Variants in SPEF2 observed in about 807,000 individuals in gnomAD.
The protein encoded by SPEF2 is sperm flagella and cilia-associated protein 2.
In SPEF2, 187 loss-of-function variants were observed where a neutral mutation model predicts 224.6. That is an observed-to-expected ratio of 0.83 (90% CI 0.74 to 0.94). SPEF2 has a LOEUF of 0.94. SPEF2 is among the 40% of genes least tolerant of loss of function. The probability of loss-of-function intolerance (pLI) is 0.00; values close to 1 mark genes in which losing one functional copy is unlikely to be tolerated. For missense variants in SPEF2, 2,170 were observed against 2,135.6 expected, an observed-to-expected ratio of 1.02 and a Z score of -0.32; for synonymous variants, 715 against 707.3, an observed-to-expected ratio of 1.01 and a Z score of -0.17.
chr5:35,679,070 T>G (rs1197588738), intron 10 of SPEF2, among the ~76,000 whole-genome samples: 1 of 152,218 alleles, frequency 6.6e-6, no homozygotes. Flanking sequence ...GTTAAAGTGT[T>G]ACCTTACTAC....
chr5:35,643,323 C>T (rs1020585478), intron 3 of SPEF2, among the ~76,000 whole-genome samples: 1 of 152,092 alleles, frequency 6.6e-6, no homozygotes, highest in Admixed American at 6.5e-5. Context: ...TTAGAGCTTA[C>T]ATATTGGGGA....
intron 26 of SPEF2, among the ~76,000 whole-genome samples, chr5:35,766,858 A>G (rs1394808133): frequency 6.6e-6 from 1 of 151,888 alleles, no homozygotes; most frequent in Non-Finnish European, 1.5e-5. Flanking sequence ...AAAGCATTTT[A>G]GAAATATATT....
chr5:35,697,635 T>G, intron 14 of SPEF2, 55 bp from the exon 15 acceptor site: 1 of 1,418,686 alleles, frequency 7.0e-7, no homozygotes, highest in Non-Finnish European at 9.9e-7. Flanking sequence ...TCCAAATGTT[T>G]GGAATTTGAC....
chr5:35,747,867 C>G (rs945616730), intron 23 of SPEF2, among the ~76,000 whole-genome samples: 2 of 152,156 alleles, frequency 1.3e-5, no homozygotes, highest in Admixed American at 1.3e-4. Flanking sequence ...CATCACCCAG[C>G]AACTGCAGAA....
intron 23 of SPEF2, among the ~76,000 whole-genome samples, chr5:35,747,543 C>A (rs1158233608): frequency 1.3e-5 from 2 of 152,182 alleles, no homozygotes; most frequent in African/African-American, 4.8e-5. Flanking sequence ...ATTCTTATAT[C>A]AGACAAAACC....
intron 27 of SPEF2, 98 bp downstream of exon 27, chr5:35,771,854 T>G (rs986597405): frequency 7.2e-7 from 1 of 1,386,262 alleles, no homozygotes; most frequent in Non-Finnish European, 9.7e-7. Flanking sequence ...TCTAAGCCAC[T>G]AAAATACTAC....
chr5:35,669,201 CAT>C (rs1750907918), intron 9 of SPEF2, among the ~76,000 whole-genome samples: 1 of 152,106 alleles, frequency 6.6e-6, no homozygotes, highest in South Asian at 2.1e-4. Flanking sequence ...TTTCACTTAG[CAT>C]AACGTCTTCA....
In SPEF2 at chr5:35,799,826, A is replaced by G; in HGVS notation, c.4831-142A>G. 5.0e-6 allele frequency: 4 copies of G among 806,700 alleles called. No homozygotes were observed. In the South Asian group the frequency reaches 5.2e-5, roughly 11 times the overall value. The allele number at this position is 806,700 out of a possible 1,614,324, so 50.0% of individuals were successfully genotyped here. On this transcript the variant is annotated intron_variant, in intron 33 of 36. Coordinates refer to ENST00000356031, the MANE Select transcript of SPEF2 (RefSeq NM_024867.4). Reference sequence around the variant, plus strand: ...TTCTTAATATTATTCAGTTCATACCATTCATTATATGTTAGCTTTACTAAT... The same window carrying G: ...TTCTTAATATTATTCAGTTCATACCGTTCATTATATGTTAGCTTTACTAAT...
At position 35,727,747 on chromosome 5, in the gene SPEF2, C is replaced by T; in HGVS notation, c.2987C>T (p.Ser996Leu). The T allele has an allele frequency of 6.2e-7, 1 of 1,613,736 alleles. No individual in the cohort carries two copies. Among genetic ancestry groups the T allele is most frequent in the African/African-American group, 1.3e-5 (1 of 75,042 alleles). The change falls in exon 21 of 37, where the codon TCA becomes TTA. Residue 996 changes from serine (S) to leucine (L), a missense_variant. By Grantham distance (145) the Ser-to-Leu change is moderately radical (BLOSUM62 -2). Coordinates refer to ENST00000356031, the MANE Select transcript of SPEF2 (RefSeq NM_024867.4). ...TCACCTGCTGACTCTACAGATACAT[C>T]ACCTGTTGCAATAGTGCCACAGCCA... ...KKSPADSTDT[S>L]PVAIVPQPPK... is the part of the protein sequence containing the mutation.
chr5:35,661,646 A>G (rs1749762030), intron 8 of SPEF2, among the ~76,000 whole-genome samples: 1 of 151,982 alleles, frequency 6.6e-6, no homozygotes, highest in African/African-American at 2.4e-5. Flanking sequence ...CTCATAATTT[A>G]GCTTCCACTT....
intron 24 of SPEF2, 47 bp downstream of exon 24, chr5:35,753,808 T>C: frequency 6.2e-7 from 1 of 1,610,788 alleles, no homozygotes; most frequent in South Asian, 1.1e-5. Flanking sequence ...CTTCACAGCC[T>C]CATTCCTCAG....
intron 21 of SPEF2, 68 bp downstream of exon 21, chr5:35,727,891 T>C: frequency 6.5e-7 from 1 of 1,531,096 alleles, no homozygotes; most frequent in Non-Finnish European, 8.8e-7. Context: ...ATTCACACTG[T>C]CATTTGCAAC....
intron 2 of SPEF2, among the ~76,000 whole-genome samples, chr5:35,641,031 C>T (rs1464822487): frequency 6.6e-6 from 1 of 152,070 alleles, no homozygotes; most frequent in Admixed American, 6.6e-5. Flanking sequence ...TAAAAAAGTT[C>T]CATAGCTGTC....
intron 10 of SPEF2, among the ~76,000 whole-genome samples, chr5:35,687,100 G>C (rs924799993): frequency 6.6e-6 from 1 of 152,070 alleles, no homozygotes; most frequent in Non-Finnish European, 1.5e-5. Flanking sequence ...GATGCTGTTA[G>C]ATTTCTTGTT....
chr5:35,760,928 A>T (rs536563796), intron 25 of SPEF2, among the ~76,000 whole-genome samples: 1 of 152,342 alleles, frequency 6.6e-6, no homozygotes, highest in South Asian at 2.1e-4. Context: ...ATAGTGAAGA[A>T]TTAAAACAAT....
At chr5:35,701,139 A>T (rs1299681275) in intron 16 of SPEF2, among the ~76,000 whole-genome samples, 1 of 152,172 alleles carries the variant, frequency 6.6e-6, no homozygotes, top group Non-Finnish European at 1.5e-5. Flanking sequence ...ATCTGATAAC[A>T]TCCTTTTCTT....
intron 26 of SPEF2, among the ~76,000 whole-genome samples, chr5:35,769,212 A>G (rs1752468844): frequency 6.6e-6 from 1 of 152,058 alleles, no homozygotes; most frequent in South Asian, 2.1e-4. Flanking sequence ...AGGGAGAAAA[A>G]TCCAATTTTG....
At chr5:35,675,713 C>T (rs1270962957) in intron 10 of SPEF2, 2 of 282,358 alleles carry the variant, frequency 7.1e-6, no homozygotes, top group East Asian at 7.8e-5. Flanking sequence ...TAGAGACAGG[C>T]TTTCAACGTG....
chr5:35,661,774 G>A (rs187211172), intron 8 of SPEF2, among the ~76,000 whole-genome samples: 49 of 152,210 alleles, frequency 3.2e-4, no homozygotes, highest in African/African-American at 1.1e-3. Flanking sequence ...TTTTATGGCT[G>A]CATATTATTC....
Sources: gnomAD v4.1 joint callset for allele counts (sites outside exome capture counted in the v4.1 genomes callset) on GRCh38, gnomAD v4.1.1 for gene constraint, MANE v1.5 for transcripts, NCBI Gene and HGNC (gene_info 2026-07-23, HGNC 2026-07-21) for gene names.